WDR27: variants seen among roughly 807,000 people sequenced by gnomAD.
The protein encoded by WDR27 is WD repeat domain 27.
A neutral mutation model predicts 114.4 loss-of-function variants in WDR27; 100 were observed. The observed-to-expected ratio is 0.87, with a 90% CI of 0.74 to 1.03. The LOEUF is 1.03. Ranked by LOEUF, WDR27 falls within the 50% of genes least tolerant of loss-of-function variation. The pLI is 0.00. For missense variants in WDR27, 1,129 were observed against 1,092.9 expected (o/e 1.03, Z -0.47); for synonymous variants, 449 against 423.1 (o/e 1.06, Z -0.75).
chr6:169,471,719 G>A (rs539359576), intron 25 of WDR27, among the ~76,000 whole-genome samples: 2 of 152,132 alleles, frequency 1.3e-5, no homozygotes, highest in African/African-American at 2.4e-5. Flanking sequence ...TAGTTTTAAG[G>A]TGTCCCAATA....
chr6:169,652,629 T>C (rs1438065857), intron 13 of WDR27, among the ~76,000 whole-genome samples: 1 of 152,236 alleles, frequency 6.6e-6, no homozygotes, highest in Non-Finnish European at 1.5e-5. Flanking sequence ...GTAAGTGTTG[T>C]AAGTAGAGGG....
the WDR27 span, among the ~76,000 whole-genome samples, chr6:169,433,869 G>C: frequency 4.6e-5 from 7 of 152,166 alleles, no homozygotes; most frequent in African/African-American, 1.4e-4. Flanking sequence ...TCATATGTTT[G>C]TTGGCCACAT....
chr6:169,666,611 G>C, intron 6 of WDR27: 1 of 985,620 alleles, frequency 1.0e-6, no homozygotes, highest in Non-Finnish European at 1.2e-6. Flanking sequence ...ACGGACGCCT[G>C]CACCATCAAT....
chr6:169,481,742 G>A (rs906256839), intron 25 of WDR27, among the ~76,000 whole-genome samples: 4 of 151,802 alleles, frequency 2.6e-5, no homozygotes, highest in Non-Finnish European at 5.9e-5. Context: ...CGGGAGGAAT[G>A]AACAACTCCA....
Position 169,572,480 on chromosome 6 carries a change from G to T in WDR27, c.2584C>A (p.Pro862Thr), listed in dbSNP as rs1223784593. ...AATTGCTTGAACCTGGAAGGCGGAGGTTGCAGTGAACCGAGATCGTGCCAC... is the reference window on the plus strand; with the variant it reads ...AATTGCTTGAACCTGGAAGGCGGAGTTTGCAGTGAACCGAGATCGTGCCAC... Reference protein sequence around the residue: ...VQWHDLGSLQPPPSRFKQFFC... With the variant: ...VQWHDLGSLQTPPSRFKQFFC... Residue 862 changes from proline to threonine, a missense_variant, in exon 25 of 26, where the codon CCT becomes ACT. Pro to Thr is a conservative substitution (Grantham distance 38, BLOSUM62 -1). Transcript: ENST00000448612. 6.9e-6 allele frequency: 1 copy of T among 145,844 alleles called. No individual in the cohort carries two copies. The highest frequency in any genetic ancestry group is 1.5e-5 in the Non-Finnish European group (1 of 67,652). 9.0% of individuals were successfully genotyped at this position (145,844 alleles called of 1,614,324 possible).
Position 169,458,006 on chromosome 6 carries a change from A to AGGAGGAGGAGGAGGT in WDR27, c.2646-373_2646-372insACCTCCTCCTCCTCC, listed in dbSNP as rs869143503. Among the ~76,000 whole-genome samples the AGGAGGAGGAGGAGGT allele has an allele frequency of 4.9e-3, 682 of 139,732 alleles. 6 individuals are homozygous for AGGAGGAGGAGGAGGT. Among genetic ancestry groups the AGGAGGAGGAGGAGGT allele is most frequent in the Non-Finnish European group, 6.2e-3 (393 of 63,852 alleles). 91.7% of individuals were successfully genotyped at this position (139,732 alleles called of 152,430 possible). A position where few individuals can be genotyped will look rare whatever the true frequency, so the allele number is the denominator to read the frequency against. On this transcript the variant is annotated intron_variant, in intron 25 of 25. Coordinates refer to ENST00000448612, the MANE Select transcript of WDR27 (RefSeq NM_182552.5). The stretch of plus-strand genomic sequence containing the variant: ...GAGGAGGAGGAGGAGGAGGAGGAGG[A>AGGAGGAGGAGGAGGT]GGTGGTGGTGGTGCCAGGAATCCAC...
intron 23 of WDR27, among the ~76,000 whole-genome samples, chr6:169,583,502 TATGTATATATACACACACACACAC>T (rs1803943146): frequency 1.5e-5 from 1 of 67,424 alleles, no homozygotes; most frequent in Non-Finnish European, 4.0e-5. Context: ...TATATATATA[TATGTATATATACACACACACACAC>T]ACACACACAC....
At chr6:169,466,668 A>G (rs1318966685) in intron 25 of WDR27, among the ~76,000 whole-genome samples, 1 of 152,120 alleles carries the variant, frequency 6.6e-6, no homozygotes, top group African/African-American at 2.4e-5. Context: ...CCCATGATCC[A>G]ATCACCTCCC....
At position 169,480,202 on chromosome 6, in the gene WDR27, G is replaced by A. The variant is rs143752785; in HGVS notation, c.2646-22568C>T. ...CTGGGCCAGCACCTGTGGAAGGTGC[G>A]CCAGGTCCCCTAGCACTGCCAGCCT... On this transcript the variant is annotated intron_variant, in intron 25 of 25. Coordinates refer to ENST00000448612, the MANE Select transcript of WDR27 (RefSeq NM_182552.5). Among the ~76,000 whole-genome samples the A allele has an allele frequency of 8.9e-4, 136 of 152,330 alleles. 1 individual carries two copies. The East Asian group carries it at 9.9e-3, about 11-fold the overall frequency.
At chr6:169,432,884 T>G in the WDR27 span, among the ~76,000 whole-genome samples, 1 of 152,248 alleles carries the variant, frequency 6.6e-6, no homozygotes, top group East Asian at 1.9e-4. Context: ...AGTTTGGAAC[T>G]TCCTAGAGAC....
chr6:169,674,872 T>C (rs1779684558), intron 2 of WDR27, among the ~76,000 whole-genome samples: 2 of 151,794 alleles, frequency 1.3e-5, no homozygotes, highest in African/African-American at 4.8e-5. Context: ...TTTTATAGGA[T>C]TTGGGTAGGT....
chr6:169,636,386 T>C lies in WDR27; in HGVS notation c.1988A>G (p.Lys663Arg). ...GGGTGCCTACCTCTTAATCTCATCTTTGCAAGTGTCAATGTGATACCTCAG... is the reference window on the plus strand; with the variant it reads ...GGGTGCCTACCTCTTAATCTCATCTCTGCAAGTGTCAATGTGATACCTCAG... The part of the protein sequence containing the change: ...QLLRYHIDTC[K>R]DEIKRYKQKS... Residue 663 changes from lysine (K) to arginine (R), a missense_variant, in exon 19 of 26, where the codon AAA becomes AGA. Transcript: ENST00000448612. 1 of 1,613,750 alleles carries C rather than the reference T, an allele frequency of 6.2e-7. No individual in the cohort carries two copies. Among genetic ancestry groups the C allele is most frequent in the East Asian group, 2.2e-5 (1 of 44,880 alleles).
chr6:169,607,542 A>G (rs536147629), intron 22 of WDR27, among the ~76,000 whole-genome samples: 2 of 152,300 alleles, frequency 1.3e-5, no homozygotes, highest in South Asian at 4.1e-4. Flanking sequence ...GACAAATACC[A>G]CATGTTCCCA....
intron 24 of WDR27, among the ~76,000 whole-genome samples, chr6:169,580,933 T>TTATATATATACATA (rs1803269587): frequency 1.9e-5 from 1 of 53,684 alleles, no homozygotes; most frequent in Non-Finnish European, 4.3e-5. Context: ...TTAGTGAATT[T>TTATATATATACATA]TATATATATA....
chr6:169,666,618 C>G, intron 6 of WDR27: 1 of 985,644 alleles, frequency 1.0e-6, no homozygotes, highest in Non-Finnish European at 1.2e-6. Flanking sequence ...CCTGCACCAT[C>G]AATGCTGTAG....
intron 25 of WDR27, among the ~76,000 whole-genome samples, chr6:169,457,869 C>T (rs1282144513): frequency 3.3e-5 from 5 of 151,896 alleles, no homozygotes; most frequent in Non-Finnish European, 7.4e-5. Flanking sequence ...TGGTCAGAGC[C>T]GATCCCTCTA....
chr6:169,536,874 T>C (rs182507160), intron 25 of WDR27, among the ~76,000 whole-genome samples: 3 of 152,274 alleles, frequency 2.0e-5, no homozygotes, highest in African/African-American at 7.2e-5. Flanking sequence ...TTAGTTCACA[T>C]AGGGACAGGG....
At chr6:169,677,644 T>A (rs1780402854) in intron 2 of WDR27, among the ~76,000 whole-genome samples, 1 of 152,240 alleles carries the variant, frequency 6.6e-6, no homozygotes, top group South Asian at 2.1e-4. Context: ...AACCAAAGGC[T>A]GATAACCAAG....
intron 1 of WDR27, among the ~76,000 whole-genome samples, chr6:169,693,614 T>C (rs1034762314): frequency 2.6e-5 from 4 of 151,658 alleles, no homozygotes; most frequent in African/African-American, 9.7e-5. Context: ...AGAACTCACA[T>C]AAACTTAAGG....
Sources: gnomAD v4.1 joint callset for allele counts (sites outside exome capture counted in the v4.1 genomes callset) on GRCh38, gnomAD v4.1.1 for gene constraint, MANE v1.5 for transcripts, NCBI Gene and HGNC (gene_info 2026-07-23, HGNC 2026-07-21) for gene names.